The following MYO3A variants were observed in gnomAD, a reference collection of about 807,000 sequenced individuals.
The protein encoded by MYO3A is myosin IIIA, also known as myosin-IIIa.
Under a neutral mutation model 192.7 loss-of-function variants are expected in MYO3A, and 180 were observed. The ratio of observed to expected loss-of-function variants is 0.93; its 90% CI spans 0.83 to 1.06. The LOEUF (loss-of-function observed/expected upper bound fraction) is 1.06, where lower values mean the gene tolerates loss of function less well. Ranked by LOEUF, MYO3A falls within the 50% of genes least tolerant of loss-of-function variation. MYO3A has a pLI of 0.00. For synonymous variants in MYO3A, 628 were observed against 645.3 expected (o/e 0.97, Z 0.41); for missense variants, 1,896 against 1,905.0 (o/e 1.00, Z 0.09).
At chr10:26,065,699 TTTG>T (rs780341481) in intron 10 of MYO3A, among the ~76,000 whole-genome samples, 47 of 150,960 alleles carry the variant, frequency 3.1e-4, no homozygotes, top group Admixed American at 3.0e-3. Flanking sequence ...GGGGAGGCAG[TTTG>T]TTGTTGTTTG....
intron 28 of MYO3A, 22 bp downstream of exon 28, chr10:26,168,896 G>C: frequency 6.3e-7 from 1 of 1,594,410 alleles, no homozygotes; most frequent in Non-Finnish European, 8.6e-7. Context: ...GACATATTTA[G>C]ATATGGTCAT....
chr10:26,124,150 T>G (rs1267863459), intron 18 of MYO3A, among the ~76,000 whole-genome samples: 1 of 128,948 alleles, frequency 7.8e-6, no homozygotes, highest in Non-Finnish European at 1.5e-5. Flanking sequence ...AATTGTGCTG[T>G]AGCACACCAG....
chr10:26,137,155 T>A (rs1488441350), intron 20 of MYO3A, among the ~76,000 whole-genome samples: 1 of 152,226 alleles, frequency 6.6e-6, no homozygotes, highest in Non-Finnish European at 1.5e-5. Flanking sequence ...AGAAGGGCAA[T>A]AAATATTCAT....
At chr10:26,194,195 C>T (rs1321860234) in intron 32 of MYO3A, among the ~76,000 whole-genome samples, 1 of 152,162 alleles carries the variant, frequency 6.6e-6, no homozygotes, top group Non-Finnish European at 1.5e-5. Context: ...ACTGCCTAAT[C>T]GCATCCTCTC....
chr10:25,990,329 T>C (rs957427484), intron 4 of MYO3A, among the ~76,000 whole-genome samples: 3 of 152,130 alleles, frequency 2.0e-5, no homozygotes, highest in African/African-American at 7.2e-5. Context: ...TTTCAAATTT[T>C]TAAATTAATG....
chr10:26,013,411 A>G (rs187667896), intron 6 of MYO3A, among the ~76,000 whole-genome samples: 39 of 151,096 alleles, frequency 2.6e-4, no homozygotes, highest in East Asian at 1.9e-3. Flanking sequence ...TCTACAAGGA[A>G]CTCAAATTAC....
At chr10:26,136,694 C>A (rs1255016628) in intron 20 of MYO3A, among the ~76,000 whole-genome samples, 1 of 152,132 alleles carries the variant, frequency 6.6e-6, no homozygotes, top group Non-Finnish European at 1.5e-5. Flanking sequence ...CTACTGCTAT[C>A]TGGATTGGTG....
intron 10 of MYO3A, among the ~76,000 whole-genome samples, chr10:26,031,576 C>T (rs748595762): frequency 6.6e-6 from 1 of 152,178 alleles, no homozygotes; most frequent in Non-Finnish European, 1.5e-5. Flanking sequence ...TACCTGCTAA[C>T]CATTTTGAAA....
At chr10:25,934,383 C>G (rs1835898667) in intron 1 of MYO3A, 55 bp downstream of exon 1, 2 of 152,274 alleles carry the variant, frequency 1.3e-5, no homozygotes, top group Admixed American at 6.5e-5. Context: ...GGTAGCGGCG[C>G]CCGCGCGGCG....
At chr10:26,101,276 G>C (rs1327517741) in intron 17 of MYO3A, among the ~76,000 whole-genome samples, 1 of 151,906 alleles carries the variant, frequency 6.6e-6, no homozygotes, top group Non-Finnish European at 1.5e-5. Flanking sequence ...CCTTTATTTT[G>C]AACCTGTGTG....
intron 14 of MYO3A, among the ~76,000 whole-genome samples, chr10:26,082,243 T>C (rs1836003953): frequency 6.6e-6 from 1 of 152,232 alleles, no homozygotes; most frequent in African/African-American, 2.4e-5. Flanking sequence ...CATTTATTTG[T>C]GTCTTCCTCA....
intron 31 of MYO3A, among the ~76,000 whole-genome samples, chr10:26,186,052 C>A (rs1380695191): frequency 2.6e-5 from 4 of 152,088 alleles, no homozygotes; most frequent in African/African-American, 9.7e-5. Context: ...TTTTTGCTAC[C>A]ATGAAAAATG....
chr10:26,164,463 C>T (rs11593041), intron 26 of MYO3A, among the ~76,000 whole-genome samples: 49,578 of 151,852 alleles, frequency 0.33, 8,295 homozygotes, highest in South Asian at 0.44. Flanking sequence ...TGTCTGGTGG[C>T]TTCCAGTGAT....
At chr10:26,154,177 T>TTTTG (rs992278783) in intron 24 of MYO3A, among the ~76,000 whole-genome samples, 5 of 152,036 alleles carry the variant, frequency 3.3e-5, no homozygotes, top group Non-Finnish European at 4.4e-5. Flanking sequence ...CAGTTTTTGT[T>TTTTG]TTTGTTTGTT....
In MYO3A at chr10:26,173,990, G is replaced by T; in HGVS notation, c.3726G>T (p.Gln1242His). 1 of 1,609,286 alleles carries T rather than the reference G, an allele frequency of 6.2e-7. No individual in the cohort carries two copies. The highest frequency in any genetic ancestry group is 8.5e-7 in the Non-Finnish European group (1 of 1,178,648). ...KEEAMIQSYY[Q>H]RYTEERNCEE... ...AAGCTATGATCCAGAGTTACTATCA[G>T]AGGTACACAGAGGAGAGGAATTGTG... is the stretch of plus-strand genomic sequence containing the variant. Residue 1242 changes from glutamine to histidine, a missense_variant, in exon 30 of 35, where the codon CAG becomes CAT. Gln to His is a conservative substitution (Grantham distance 24, BLOSUM62 0). Coordinates refer to ENST00000642920, the MANE Select transcript of MYO3A (RefSeq NM_017433.5).
chr10:26,174,587 T>C (rs1458592037), intron 30 of MYO3A, 30 bp downstream of exon 30: 3 of 1,554,224 alleles, frequency 1.9e-6, no homozygotes, highest in Non-Finnish European at 2.7e-6. Flanking sequence ...TATTTACTAA[T>C]AAAAGTCCCT....
At chr10:26,140,990 C>T (rs182300239) in intron 20 of MYO3A, among the ~76,000 whole-genome samples, 13 of 152,194 alleles carry the variant, frequency 8.5e-5, no homozygotes, top group African/African-American at 2.9e-4. Context: ...TGCAGTGGCG[C>T]AATCTCGGCT....
intron 4 of MYO3A, among the ~76,000 whole-genome samples, chr10:25,989,988 G>C (rs1241780142): frequency 1.3e-5 from 2 of 152,052 alleles, no homozygotes; most frequent in Non-Finnish European, 2.9e-5. Context: ...TGCTTCACTG[G>C]GACGTTCTCT....
chr10:26,168,917 C>A, intron 28 of MYO3A, 43 bp downstream of exon 28: 1 of 1,558,034 alleles, frequency 6.4e-7, no homozygotes. Context: ...AAAATCAAAT[C>A]TTATAATACT....
Sources: allele counts gnomAD v4.1 joint callset (sites outside exome capture counted in the v4.1 genomes callset), GRCh38; gene constraint gnomAD v4.1.1; transcripts MANE v1.5; gene names NCBI Gene and HGNC (gene_info 2026-07-23, HGNC 2026-07-21).